EHMT1: variants seen among roughly 807,000 people sequenced by gnomAD.
The protein encoded by EHMT1 is euchromatic histone lysine methyltransferase 1.
EHMT1 carries 15 observed loss-of-function variants against 147.2 expected under a neutral mutation model. The observed-to-expected ratio is 0.10, with a 90% CI of 0.07 to 0.16. EHMT1 has a LOEUF of 0.16. EHMT1 is among the 10% of genes least tolerant of loss of function. The probability of loss-of-function intolerance (pLI) is 1.00; values close to 1 mark genes in which losing one functional copy is unlikely to be tolerated. For missense variants in EHMT1, 1,587 were observed against 1,772.4 expected (o/e 0.90, Z 1.88); for synonymous variants, 795 against 709.6 (o/e 1.12, Z -1.91).
At chr9:137,641,132 T>A in intron 1 of EHMT1, 1 of 350,230 alleles carries the variant, frequency 2.9e-6, no homozygotes, top group South Asian at 2.6e-5. Context: ...CCAAGTATGG[T>A]CTTTGCTGAC....
chr9:137,758,426 G>A (rs1167961580), intron 9 of EHMT1, among the ~76,000 whole-genome samples: 7 of 152,214 alleles, frequency 4.6e-5, no homozygotes, highest in East Asian at 3.8e-4. Context: ...TCTGACATAC[G>A]TTCTGTAATG....
intron 1 of EHMT1, among the ~76,000 whole-genome samples, chr9:137,628,497 G>A (rs1027109127): frequency 2.6e-5 from 4 of 152,110 alleles, no homozygotes; most frequent in Non-Finnish European, 5.9e-5. Context: ...TGCCCAGGCC[G>A]ATCTCCAACT....
At chr9:137,819,847 C>T (rs866222266) in intron 25 of EHMT1, among the ~76,000 whole-genome samples, 11 of 152,058 alleles carry the variant, frequency 7.2e-5, no homozygotes, top group East Asian at 1.9e-4. Context: ...GGGGCCACTC[C>T]GGGAGCCTGG....
chr9:137,678,579 G>A (rs1186599632), intron 1 of EHMT1, among the ~76,000 whole-genome samples: 1 of 152,084 alleles, frequency 6.6e-6, no homozygotes, highest in African/African-American at 2.4e-5. Flanking sequence ...GATACCTTCT[G>A]AGATCCCTAG....
At position 137,776,619 on chromosome 9, in the gene EHMT1, G is replaced by A. The variant is rs1260804750; in HGVS notation, c.1793G>A (p.Gly598Asp). The change falls in exon 12 of 27, where the codon GGT becomes GAT. Residue 598 changes from glycine to aspartate, a missense_variant and splice_region_variant. By Grantham distance (94) the Gly-to-Asp change is moderately conservative. Coordinates refer to ENST00000460843, the MANE Select transcript of EHMT1 (RefSeq NM_024757.5). The surrounding 1 kb of genome is among the most constrained non-coding windows in gnomAD (Gnocchi z 4.4). The part of the protein sequence containing the change: ...CPGCGYFCTA[G>D]NFMECQPESS... ...TTTTTTTTGTCCTCCCATTTTTAGGGTAATTTTATGGAGTGTCAGCCCGAG... is the reference window on the plus strand; with the variant it reads ...TTTTTTTTGTCCTCCCATTTTTAGGATAATTTTATGGAGTGTCAGCCCGAG... The A allele has an allele frequency of 6.2e-7, 1 of 1,613,992 alleles. No homozygotes were observed. The highest frequency in any genetic ancestry group is 8.5e-7 in the Non-Finnish European group (1 of 1,180,022).
chr9:137,720,414 C>T (rs1180748063), intron 3 of EHMT1, among the ~76,000 whole-genome samples: 1 of 152,276 alleles, frequency 6.6e-6, no homozygotes. Flanking sequence ...AGTCATCCTC[C>T]TGCCTCTGCC....
intron 1 of EHMT1, among the ~76,000 whole-genome samples, chr9:137,691,465 A>G (rs1588192836): frequency 6.6e-6 from 1 of 151,842 alleles, no homozygotes; most frequent in East Asian, 1.9e-4. Flanking sequence ...GGCTTGAGCC[A>G]CCGCGCCCAG....
Position 137,741,931 on chromosome 9 carries a change from T to C in EHMT1, c.824-1440T>C, listed in dbSNP as rs1453360693. The stretch of plus-strand genomic sequence containing the variant: ...CTCCTTCATCCCCCCACAAAATATC[T>C]ATTCAAAATATCAAGATGATTATGA... On this transcript the variant is annotated intron_variant, in intron 4 of 26. Coordinates refer to ENST00000460843, the MANE Select transcript of EHMT1 (RefSeq NM_024757.5). Among the ~76,000 whole-genome samples, 3 of 152,202 alleles carry C rather than the reference T, an allele frequency of 2.0e-5. 1 individual carries two copies. The highest frequency in any genetic ancestry group is 7.2e-5 in the African/African-American group (3 of 41,456).
At chr9:137,812,896 G>A (rs1002927430) in intron 19 of EHMT1, 110 bp from the exon 20 acceptor site, 5 of 1,449,042 alleles carry the variant, frequency 3.5e-6, no homozygotes, top group Non-Finnish European at 4.8e-6. Context: ...ATCTCACAGT[G>A]AATAGTGTTC....
At chr9:137,761,382 C>T (rs1949801021) in intron 9 of EHMT1, among the ~76,000 whole-genome samples, 1 of 152,224 alleles carries the variant, frequency 6.6e-6, no homozygotes, top group South Asian at 2.1e-4. Context: ...CTGGCTTTGT[C>T]TGTTCAAGGA....
At chr9:137,789,264 T>A (rs1052840108) in intron 15 of EHMT1, 2 of 152,390 alleles carry the variant, frequency 1.3e-5, no homozygotes, top group African/African-American at 2.4e-5. Context: ...CCTTGCACAC[T>A]CGGGTCTGTC....
rs1362049664 is a variant in EHMT1 at position 137,780,150 on chromosome 9, G to GCTGAGATGTGTGGTGATGACGGCATCA, written c.2275+455_2275+481dup. Among the ~76,000 whole-genome samples, 22 of 144,162 alleles carry GCTGAGATGTGTGGTGATGACGGCATCA rather than the reference G, an allele frequency of 1.5e-4. 1 individual carries two copies. In the South Asian group the frequency reaches 4.8e-3, roughly 31 times the overall value. The allele number at this position is 144,162 out of a possible 152,430, so 94.6% of individuals were successfully genotyped here. A position where few individuals can be genotyped will look rare whatever the true frequency, so the allele number is the denominator to read the frequency against. On this transcript the variant is annotated intron_variant, in intron 14 of 26. Transcript: ENST00000460843. ...TGACGCTGAGATGTGTGGTGATGAC[G>GCTGAGATGTGTGGTGATGACGGCATCA]CTGAGATGTGTGGTGATGACGGCAT...
intron 10 of EHMT1, chr9:137,764,000 G>A (rs1466971716): frequency 1.3e-5 from 2 of 152,636 alleles, no homozygotes; most frequent in African/African-American, 4.8e-5. Flanking sequence ...CGGGGTTTCT[G>A]ATTCAGCAGG....
chr9:137,640,771 T>C (rs922463196), intron 1 of EHMT1, among the ~76,000 whole-genome samples: 2 of 152,202 alleles, frequency 1.3e-5, no homozygotes, highest in African/African-American at 4.8e-5. Flanking sequence ...ACAAGTTTGT[T>C]GAGATAGGAA....
At chr9:137,725,556 T>C (rs1946540834) in intron 3 of EHMT1, among the ~76,000 whole-genome samples, 1 of 152,188 alleles carries the variant, frequency 6.6e-6, no homozygotes, top group South Asian at 2.1e-4. Flanking sequence ...CAGGGAGCTG[T>C]GGCCACTAGA....
intron 18 of EHMT1, among the ~76,000 whole-genome samples, chr9:137,805,538 C>T (rs1187747513): frequency 1.3e-5 from 2 of 152,230 alleles, no homozygotes; most frequent in Non-Finnish European, 2.9e-5. Context: ...TGTAGCTTTA[C>T]AGTAGGTCTT....
chr9:137,825,995 A>T (rs1243635380), intron 25 of EHMT1, among the ~76,000 whole-genome samples: 3 of 152,204 alleles, frequency 2.0e-5, no homozygotes, highest in Non-Finnish European at 4.4e-5. Flanking sequence ...TTGAACATTT[A>T]AAAAAATCTA....
chr9:137,626,706 G>C (rs10121651), intron 1 of EHMT1, among the ~76,000 whole-genome samples: 2,907 of 152,108 alleles, frequency 0.019, 102 homozygotes, highest in African/African-American at 0.065. Context: ...AAAGCTGAGT[G>C]CTGGGGGCTT....
intron 1 of EHMT1, among the ~76,000 whole-genome samples, chr9:137,669,387 CAA>C (rs1940190906): frequency 1.6e-5 from 2 of 126,900 alleles, no homozygotes; most frequent in African/African-American, 3.1e-5. Flanking sequence ...GGACTCCACC[CAA>C]GACGCCCCCC....
Sources: allele counts gnomAD v4.1 joint callset (sites outside exome capture counted in the v4.1 genomes callset), GRCh38; gene constraint gnomAD v4.1.1; non-coding constraint Gnocchi (gnomAD v3.1); transcripts MANE v1.5; gene names NCBI Gene and HGNC (gene_info 2026-07-23, HGNC 2026-07-21).